The following TEKTIP1 variants were observed in gnomAD, a reference collection of about 807,000 sequenced individuals.
The protein encoded by TEKTIP1 is tektin bundle interacting protein 1, also known as tektin bundle-interacting protein 1.
the TEKTIP1 span, chr19:3,539,649 GC>G: frequency 9.5e-6 from 2 of 211,090 alleles, no homozygotes; most frequent in Non-Finnish European, 1.9e-5. Flanking sequence ...GCACTCCTTG[GC>G]CCCCGGTCTC....
chr19:3,541,743 A>G, the TEKTIP1 span: 1 of 985,224 alleles, frequency 1.0e-6, no homozygotes, highest in Admixed American at 6.1e-5. Flanking sequence ...GAAAGTAGTG[A>G]GTGGCAGGTG....
the TEKTIP1 span, among the ~76,000 whole-genome samples, chr19:3,540,541 G>C: frequency 0.026 from 3,958 of 151,266 alleles, 309 homozygotes; most frequent in East Asian, 0.27. Flanking sequence ...CAGGCGTGAG[G>C]CACCGCGCCT....
the TEKTIP1 span, chr19:3,541,769 G>C: frequency 2.0e-6 from 2 of 985,278 alleles, no homozygotes; most frequent in African/African-American, 3.5e-5. Flanking sequence ...GGGGCCGACA[G>C]CAGGGGTGAG....
the TEKTIP1 span, chr19:3,543,193 C>A: frequency 2.0e-6 from 3 of 1,530,462 alleles, no homozygotes; most frequent in Non-Finnish European, 2.6e-6. Context: ...AAAGCACTCG[C>A]TGTAGACATG....
the TEKTIP1 span, chr19:3,543,452 C>A: frequency 6.5e-7 from 1 of 1,541,460 alleles, no homozygotes; most frequent in Non-Finnish European, 8.7e-7. Flanking sequence ...CTACCAACAC[C>A]GTGAGTGCAG....
At chr19:3,542,217 C>G in the TEKTIP1 span, 1 of 985,312 alleles carries the variant, frequency 1.0e-6, no homozygotes, top group Non-Finnish European at 1.2e-6. Flanking sequence ...GTGGAAAAGC[C>G]GAGTCTATGT....
chr19:3,542,853 C>T, the TEKTIP1 span: 1 of 1,382,988 alleles, frequency 7.2e-7, no homozygotes, highest in Admixed American at 1.9e-5. Flanking sequence ...TGGTGCACCT[C>T]CAGGCCAGGG....
the TEKTIP1 span, among the ~76,000 whole-genome samples, chr19:3,541,345 G>A: frequency 6.6e-6 from 1 of 150,602 alleles, no homozygotes; most frequent in Non-Finnish European, 1.5e-5. Context: ...AAAAAAAAAA[G>A]AGGGTCTCGC....
chr19:3,543,312 TGGGAC>T, the TEKTIP1 span: 2 of 1,549,100 alleles, frequency 1.3e-6, no homozygotes, highest in Non-Finnish European at 1.7e-6. Flanking sequence ...TACACGCCCA[TGGGAC>T]GGGACGCAGC....
At chr19:3,540,200 C>T in the TEKTIP1 span, among the ~76,000 whole-genome samples, 1 of 141,514 alleles carries the variant, frequency 7.1e-6, no homozygotes, top group Non-Finnish European at 1.5e-5. Flanking sequence ...TTCTAGGATT[C>T]TTCCATCTCA....
the TEKTIP1 span, chr19:3,543,850 G>C: frequency 1.9e-6 from 3 of 1,544,602 alleles, no homozygotes; most frequent in Non-Finnish European, 2.6e-6. Context: ...AACCGGTACG[G>C]GGTGGAGCCA....
chr19:3,543,568 C>T, the TEKTIP1 span: 3 of 1,541,166 alleles, frequency 1.9e-6, no homozygotes, highest in Non-Finnish European at 2.6e-6. Flanking sequence ...ACACCCAGCA[C>T]CTGCGGGAGA....
the TEKTIP1 span, chr19:3,542,561 C>A: frequency 2.4e-6 from 2 of 829,182 alleles, no homozygotes; most frequent in Admixed American, 6.2e-5. Flanking sequence ...GCAAACTCCA[C>A]TTCCTGGGTT....
At chr19:3,543,721 G>A in the TEKTIP1 span, 12 of 1,498,638 alleles carry the variant, frequency 8.0e-6, no homozygotes, top group Admixed American at 1.1e-4. Context: ...AGGCCAGGGG[G>A]ACAAGGCCAC....
the TEKTIP1 span, chr19:3,543,577 G>C: frequency 6.5e-7 from 1 of 1,542,852 alleles, no homozygotes; most frequent in Non-Finnish European, 8.7e-7. Flanking sequence ...ACCTGCGGGA[G>C]ACCGCCTGGC....
chr19:3,540,035 T>G, the TEKTIP1 span: 1 of 151,938 alleles, frequency 6.6e-6, no homozygotes, highest in African/African-American at 2.4e-5. Context: ...GAGGATCACT[T>G]GAGCCCAGGA....
chr19:3,539,534 T>C, the TEKTIP1 span: 1 of 481,932 alleles, frequency 2.1e-6, no homozygotes, highest in South Asian at 3.4e-5. Context: ...GCCACAGAAA[T>C]GTTCGCCCTC....
the TEKTIP1 span, chr19:3,543,276 C>A: frequency 6.5e-7 from 1 of 1,547,866 alleles, no homozygotes; most frequent in Non-Finnish European, 8.7e-7. Context: ...TGGCCACCAG[C>A]CATCAGGCAG....
the TEKTIP1 span, chr19:3,543,491 C>CCCCCCCGGG: frequency 1.3e-6 from 2 of 1,516,062 alleles, no homozygotes; most frequent in Non-Finnish European, 1.8e-6. Flanking sequence ...CCCCCCCCCC[C>CCCCCCCGGG]GCCCTGGGCA....
Sources: gnomAD v4.1 joint callset for allele counts (sites outside exome capture counted in the v4.1 genomes callset) on GRCh38, gnomAD v4.1.1 for gene constraint, MANE v1.5 for transcripts, NCBI Gene and HGNC (gene_info 2026-07-23, HGNC 2026-07-21) for gene names.